The following DSCAM variants were observed in gnomAD, a reference collection of about 807,000 sequenced individuals.
DSCAM encodes the protein cell adhesion molecule DSCAM.
A neutral mutation model predicts 217.7 loss-of-function variants in DSCAM; 47 were observed. The observed-to-expected ratio is 0.22, with a 90% CI of 0.17 to 0.28. The LOEUF (loss-of-function observed/expected upper bound fraction) is 0.28, where lower values mean the gene tolerates loss of function less well. DSCAM is among the 10% of genes least tolerant of loss of function. The pLI, the probability that DSCAM is intolerant of heterozygous loss-of-function variation, is 1.00. For missense variants in DSCAM, 2,080 were observed against 2,618.3 expected, an observed-to-expected ratio of 0.79 and a Z score of 4.49; for synonymous variants, 1,056 against 1,015.3, an observed-to-expected ratio of 1.04 and a Z score of -0.76.
intron 11 of DSCAM, among the ~76,000 whole-genome samples, chr21:40,247,193 T>G (rs1601481176): frequency 1.3e-5 from 2 of 152,090 alleles, no homozygotes; most frequent in South Asian, 4.1e-4. Context: ...AAGTTGAGAT[T>G]TGGTGGGGGG....
chr21:40,353,712 A>C lies in DSCAM; in HGVS notation c.687T>G (p.Asp229Glu), dbSNP rs1569080533. 2 of 1,588,658 alleles carry C rather than the reference A, an allele frequency of 1.3e-6. No homozygotes were observed. Among genetic ancestry groups the C allele is most frequent in the Non-Finnish European group, 1.7e-6 (2 of 1,171,774 alleles). ...DPANSAPSILDGFDHRKAMAG... is the reference protein window; with the variant it reads ...DPANSAPSILEGFDHRKAMAG... ...CCATGGCTTTGCGATGGTCAAACCC[A>C]TCCAGTATGGATGGGGCTGAGTTCG... Residue 229 changes from aspartate (D) to glutamate (E), a missense_variant, in exon 5 of 33, where the codon GAT becomes GAG. Coordinates refer to ENST00000400454, the MANE Select transcript of DSCAM (RefSeq NM_001389.5).
At position 40,187,203 on chromosome 21, in the gene DSCAM, G is replaced by A. The variant is rs1251964276; in HGVS notation, c.2707C>T (p.Leu903Phe). 6.2e-7 allele frequency: 1 copy of A among 1,614,162 alleles called. No individual in the cohort carries two copies. Among genetic ancestry groups the A allele is most frequent in the South Asian group, 1.1e-5 (1 of 91,080 alleles). ...IKDVKARTIT[L>F]RWTMGFDGNS... is the part of the protein sequence containing the mutation. Reference sequence around the variant, plus strand: ...CCATCAAACCCCATGGTCCACCTGAGCGTAATTGTGCGTGCTTTGACATCT... The same window carrying A: ...CCATCAAACCCCATGGTCCACCTGAACGTAATTGTGCGTGCTTTGACATCT... The change falls in exon 14 of 33, where the codon CTC (leucine) becomes TTC (phenylalanine). Residue 903 changes from leucine to phenylalanine, a missense_variant. Leu to Phe is a conservative substitution (Grantham distance 22, BLOSUM62 0). This residue lies in a region of DSCAM where 1,144 missense variants were observed against 1,421.1 expected (regional missense o/e 0.81). Coordinates refer to ENST00000400454, the MANE Select transcript of DSCAM (RefSeq NM_001389.5).
chr21:40,717,553 C>T (rs1394414487), intron 1 of DSCAM, among the ~76,000 whole-genome samples: 4 of 152,210 alleles, frequency 2.6e-5, no homozygotes, highest in Non-Finnish European at 5.9e-5. Context: ...CCCTCAATTA[C>T]AGCCACAAAA....
intron 11 of DSCAM, among the ~76,000 whole-genome samples, chr21:40,232,605 C>T (rs1601465886): frequency 6.6e-6 from 1 of 152,252 alleles, no homozygotes; most frequent in East Asian, 1.9e-4. Flanking sequence ...TCTTCTACCT[C>T]CAGAAAGAGT....
Position 40,461,790 on chromosome 21 carries a change from A to G in DSCAM, c.509-92545T>C, listed in dbSNP as rs971935306. Reference sequence around the variant, plus strand: ...GCGATGCAATGTGAAAAAGACTTGAATGGCCATTGCTGGCTTTGCAGAGAG... The same window carrying G: ...GCGATGCAATGTGAAAAAGACTTGAGTGGCCATTGCTGGCTTTGCAGAGAG... On this transcript the variant is annotated intron_variant, in intron 3 of 32. Coordinates refer to ENST00000400454, the MANE Select transcript of DSCAM (RefSeq NM_001389.5). 2.6e-5 allele frequency among the ~76,000 whole-genome samples: 4 copies of G among 152,224 alleles called. No homozygotes were observed. In the East Asian group the frequency reaches 7.7e-4, roughly 29 times the overall value.
At chr21:40,130,500 A>C (rs1360948092) in intron 19 of DSCAM, among the ~76,000 whole-genome samples, 1 of 152,206 alleles carries the variant, frequency 6.6e-6, no homozygotes, top group East Asian at 1.9e-4. Flanking sequence ...CATGGCCCTG[A>C]GACTCTGACT....
chr21:40,104,944 G>A (rs909758471), intron 20 of DSCAM, among the ~76,000 whole-genome samples: 7 of 152,142 alleles, frequency 4.6e-5, no homozygotes, highest in African/African-American at 7.2e-5. Flanking sequence ...TACATTCAGG[G>A]TGGCATACAC....
chr21:40,662,157 T>C (rs1245966289), intron 3 of DSCAM, among the ~76,000 whole-genome samples: 2 of 152,190 alleles, frequency 1.3e-5, no homozygotes, highest in South Asian at 2.1e-4. Context: ...AACACAACAC[T>C]GTGAAAAGAC....
At chr21:40,071,822 C>T (rs1415052851) in intron 27 of DSCAM, among the ~76,000 whole-genome samples, 1 of 152,186 alleles carries the variant, frequency 6.6e-6, no homozygotes, top group Non-Finnish European at 1.5e-5. Context: ...TAATGCACTC[C>T]GGATATTTAA....
chr21:40,188,295 G>T (rs982321385), intron 12 of DSCAM, among the ~76,000 whole-genome samples: 1 of 152,204 alleles, frequency 6.6e-6, no homozygotes, highest in African/African-American at 2.4e-5. Flanking sequence ...ATTTATATAA[G>T]ATGTCGTGGT....
chr21:40,082,840 G>A (rs1241179987), intron 24 of DSCAM, among the ~76,000 whole-genome samples: 1 of 152,160 alleles, frequency 6.6e-6, no homozygotes, highest in Non-Finnish European at 1.5e-5. Flanking sequence ...TAGGGTGGCT[G>A]TGGCCACTGA....
intron 3 of DSCAM, among the ~76,000 whole-genome samples, chr21:40,616,633 C>T (rs1442433375): frequency 6.6e-6 from 1 of 152,144 alleles, no homozygotes; most frequent in Non-Finnish European, 1.5e-5. Context: ...GTTTTCCTTG[C>T]TGATGCCACT....
At chr21:40,117,291 C>A (rs2089982228) in intron 20 of DSCAM, among the ~76,000 whole-genome samples, 2 of 152,142 alleles carry the variant, frequency 1.3e-5, no homozygotes, top group South Asian at 4.1e-4. Context: ...GTTTGCCAGT[C>A]TATGCCCATG....
Position 40,249,806 on chromosome 21 carries a change from A to G in DSCAM, c.2356+26291T>C, listed in dbSNP as rs558230957. ...GAAAATGCAGGGGTTCCTTGCAGCC[A>G]GAAGAGAAGAGAACAACCTCCAAGC... On this transcript the variant is annotated intron_variant, in intron 11 of 32. Transcript: ENST00000400454. 1.1e-4 allele frequency among the ~76,000 whole-genome samples: 17 copies of G among 152,276 alleles called. 1 individual carries two copies. In the South Asian group the frequency reaches 3.1e-3, roughly 28 times the overall value.
intron 11 of DSCAM, among the ~76,000 whole-genome samples, chr21:40,254,922 A>C (rs908703757): frequency 3.9e-5 from 6 of 151,906 alleles, no homozygotes; most frequent in Non-Finnish European, 5.9e-5. Flanking sequence ...TATTTGGTGC[A>C]TGTTTTAACT....
chr21:40,300,362 T>A (rs999648572), intron 9 of DSCAM, among the ~76,000 whole-genome samples: 2 of 152,214 alleles, frequency 1.3e-5, no homozygotes, highest in Admixed American at 1.3e-4. Flanking sequence ...TGATGATTAT[T>A]TCTTGAAAAT....
intron 3 of DSCAM, among the ~76,000 whole-genome samples, chr21:40,470,193 T>C (rs1446002614): frequency 2.6e-5 from 4 of 152,192 alleles, no homozygotes; most frequent in East Asian, 1.9e-4. Context: ...AAGAAAAAAA[T>C]TGTGTAACTT....
chr21:40,709,802 G>C (rs571333979), intron 1 of DSCAM, among the ~76,000 whole-genome samples: 1 of 152,288 alleles, frequency 6.6e-6, no homozygotes, highest in Non-Finnish European at 1.5e-5. Flanking sequence ...ATAAACATAT[G>C]TGTGCATGTG....
At chr21:40,640,441 C>T (rs369976144) in intron 3 of DSCAM, among the ~76,000 whole-genome samples, 14 of 152,144 alleles carry the variant, frequency 9.2e-5, no homozygotes, top group African/African-American at 1.4e-4. Context: ...TTCCTGTAAA[C>T]GAGGGGAAGA....
Sources: gnomAD v4.1 joint callset for allele counts (sites outside exome capture counted in the v4.1 genomes callset) on GRCh38, gnomAD v4.1.1 for gene constraint, gnomAD v4.1.1 regional missense constraint, MANE v1.5 for transcripts, NCBI Gene and HGNC (gene_info 2026-07-23, HGNC 2026-07-21) for gene names.